SCAI: variants seen among roughly 807,000 people sequenced by gnomAD.
SCAI encodes protein SCAI.
A neutral mutation model predicts 92.2 loss-of-function variants in SCAI; 24 were observed. That is an observed-to-expected ratio of 0.26 (90% CI 0.19 to 0.37). SCAI has a LOEUF of 0.37. SCAI is among the 10% of genes least tolerant of loss of function. The pLI is 1.00. For missense variants in SCAI, 450 were observed against 736.2 expected, an observed-to-expected ratio of 0.61 and a Z score of 4.50; for synonymous variants, 261 against 258.6, an observed-to-expected ratio of 1.01 and a Z score of -0.09.
At chr9:125,131,606 T>G (rs982876183) in intron 2 of SCAI, among the ~76,000 whole-genome samples, 1 of 152,076 alleles carries the variant, frequency 6.6e-6, no homozygotes, top group Admixed American at 6.6e-5. Context: ...TAGGTTTCAT[T>G]CTTGAGTAAA....
At chr9:125,068,182 T>C (rs562231045) in intron 2 of SCAI, among the ~76,000 whole-genome samples, 4 of 152,304 alleles carry the variant, frequency 2.6e-5, no homozygotes, top group Admixed American at 2.0e-4. Flanking sequence ...AACACTGTGA[T>C]TGCAAGTTTT....
At chr9:125,001,057 T>C (rs536033398) in intron 12 of SCAI, among the ~76,000 whole-genome samples, 13 of 152,274 alleles carry the variant, frequency 8.5e-5, no homozygotes, top group African/African-American at 3.1e-4. Flanking sequence ...TAATTATAAA[T>C]AAAAGTACTA....
chr9:125,100,698 C>T (rs1032285998), intron 2 of SCAI, among the ~76,000 whole-genome samples: 1 of 152,028 alleles, frequency 6.6e-6, no homozygotes, highest in Non-Finnish European at 1.5e-5. Flanking sequence ...GTGATAAGTG[C>T]TCTGGAGAAA....
At chr9:125,081,139 C>A (rs1018190799) in intron 2 of SCAI, among the ~76,000 whole-genome samples, 1 of 152,134 alleles carries the variant, frequency 6.6e-6, no homozygotes, top group East Asian at 1.9e-4. Flanking sequence ...TCTTTGTGAG[C>A]AGAGTGAAAA....
At position 125,143,471 on chromosome 9, in the gene SCAI, C is replaced by T. The variant is rs747003308; in HGVS notation, c.-34G>A. The T allele has an allele frequency of 2.2e-6, 3 of 1,337,248 alleles. No homozygotes were observed. Among genetic ancestry groups the T allele is most frequent in the South Asian group, 3.6e-5 (2 of 55,470 alleles). The allele number at this position is 1,337,248 out of a possible 1,614,324, so 82.8% of individuals were successfully genotyped here. On this transcript the variant is annotated 5_prime_UTR_variant, in exon 1 of 18. Coordinates refer to ENST00000336505, the MANE Select transcript of SCAI (RefSeq NM_001144877.3). The stretch of plus-strand genomic sequence containing the variant: ...TGCTCCGCCGCGGGAGCTGCTCCGG[C>T]GGCCGCAGGGCTCGCTCGGGAAGCT...
rs1459454667 is a variant in SCAI at position 125,024,087 on chromosome 9, A to G, written c.512+2725T>C. On this transcript the variant is annotated intron_variant, in intron 6 of 17. Transcript: ENST00000336505. ...CTTATGTTGACATCAACATAACTGG[A>G]GTTTATTTTCCTTTCCTGCCTTCTA... 2.6e-5 allele frequency among the ~76,000 whole-genome samples: 4 copies of G among 151,838 alleles called. No individual in the cohort carries two copies. The East Asian group carries it at 7.7e-4, about 29-fold the overall frequency.
intron 2 of SCAI, among the ~76,000 whole-genome samples, chr9:125,086,471 C>T: frequency 6.6e-6 from 1 of 152,118 alleles, no homozygotes; most frequent in Admixed American, 6.6e-5. Context: ...TGCTGAATAG[C>T]TGGCATTACA....
intron 9 of SCAI, among the ~76,000 whole-genome samples, chr9:125,012,098 C>T (rs1314634965): frequency 3.9e-5 from 6 of 152,120 alleles, no homozygotes; most frequent in East Asian, 1.9e-4. Context: ...CAAAGACCAT[C>T]GAGGCTAGGA....
In SCAI at chr9:125,006,463, G is replaced by A. The variant is rs546449242; in HGVS notation, c.862-2893C>T. On this transcript the variant is annotated intron_variant, in intron 9 of 17. Transcript: ENST00000336505. ...ATGATTAAGCCAATCAAAGGAATATGTAGAAAATAACCTAATACATTCATT... is the reference window on the plus strand; with the variant it reads ...ATGATTAAGCCAATCAAAGGAATATATAGAAAATAACCTAATACATTCATT... Among the ~76,000 whole-genome samples the A allele has an allele frequency of 2.6e-5, 4 of 152,314 alleles. No homozygotes were observed. In the South Asian group the frequency reaches 8.3e-4, roughly 32 times the overall value.
intron 3 of SCAI, 74 bp downstream of exon 3, chr9:125,055,802 C>A: frequency 1.5e-6 from 2 of 1,331,240 alleles, no homozygotes; most frequent in South Asian, 1.6e-5. Flanking sequence ...TTTTCGGAAA[C>A]TTACCACACA....
chr9:125,069,362 G>A (rs564220076), intron 2 of SCAI, among the ~76,000 whole-genome samples: 12 of 150,478 alleles, frequency 8.0e-5, no homozygotes, highest in African/African-American at 2.9e-4. Flanking sequence ...CTGTCGCCCA[G>A]GCTGGAGTCC....
chr9:125,110,852 T>A (rs1313439659), intron 2 of SCAI, among the ~76,000 whole-genome samples: 1 of 152,220 alleles, frequency 6.6e-6, no homozygotes, highest in Non-Finnish European at 1.5e-5. Flanking sequence ...TGCTCCCGCT[T>A]TGCCTCCACC....
intron 14 of SCAI, among the ~76,000 whole-genome samples, chr9:124,985,790 G>A (rs1452889250): frequency 6.6e-6 from 1 of 151,492 alleles, no homozygotes; most frequent in Non-Finnish European, 1.5e-5. Flanking sequence ...TTGAACCGGG[G>A]AGGCGGAGGT....
intron 2 of SCAI, among the ~76,000 whole-genome samples, chr9:125,082,515 G>A (rs903706953): frequency 7.9e-5 from 12 of 152,196 alleles, no homozygotes; most frequent in Admixed American, 4.6e-4. Context: ...CCAGACCCCA[G>A]AATGGTAGAT....
intron 2 of SCAI, among the ~76,000 whole-genome samples, 183 bp from the exon 3 acceptor site, chr9:125,056,190 G>A (rs1467649921): frequency 6.6e-6 from 1 of 152,174 alleles, no homozygotes; most frequent in East Asian, 1.9e-4. Flanking sequence ...TCTCAGTCGG[G>A]CGCAGTGGCT....
chr9:125,122,767 G>A (rs1198774606), intron 2 of SCAI, among the ~76,000 whole-genome samples: 3 of 151,962 alleles, frequency 2.0e-5, no homozygotes, highest in South Asian at 2.1e-4. Flanking sequence ...TTTTCTGGGC[G>A]TAGTGGTATG....
rs1395465548 is a variant in SCAI at position 124,947,600 on chromosome 9, C to G, written c.*5207G>C. On this transcript the variant is annotated 3_prime_UTR_variant, in exon 18 of 18. Coordinates refer to ENST00000336505, the MANE Select transcript of SCAI (RefSeq NM_001144877.3). The stretch of plus-strand genomic sequence containing the variant: ...ACAATGGGTATGGGTACATAATATA[C>G]ACATACTGTATCACTGCATACCAAT... 1 of 152,110 alleles carries G rather than the reference C, an allele frequency of 6.6e-6. No homozygotes were observed. Among genetic ancestry groups the G allele is most frequent in the African/African-American group, 2.4e-5 (1 of 41,418 alleles). 9.4% of individuals were successfully genotyped at this position (152,110 alleles called of 1,614,324 possible).
chr9:124,973,714 C>A (rs1176833237), intron 15 of SCAI, among the ~76,000 whole-genome samples: 3 of 152,118 alleles, frequency 2.0e-5, no homozygotes, highest in Non-Finnish European at 4.4e-5. Context: ...GTAATCCCAG[C>A]TTCTCGGGAC....
At chr9:124,990,780 A>G (rs1281434269) in intron 14 of SCAI, among the ~76,000 whole-genome samples, 1 of 152,192 alleles carries the variant, frequency 6.6e-6, no homozygotes. Context: ...GGCCTCTGGG[A>G]AGAGGCAAAT....
Sources: allele counts gnomAD v4.1 joint callset (sites outside exome capture counted in the v4.1 genomes callset), GRCh38; gene constraint gnomAD v4.1.1; transcripts MANE v1.5; gene names NCBI Gene and HGNC (gene_info 2026-07-23, HGNC 2026-07-21).